Variants in ATRNL1 observed in about 807,000 individuals in gnomAD.
The protein encoded by ATRNL1 is attractin-like protein 1.
In ATRNL1, 95 loss-of-function variants were observed where a neutral mutation model predicts 182.7. The observed-to-expected ratio is 0.52, with a 90% CI of 0.44 to 0.62. The LOEUF (loss-of-function observed/expected upper bound fraction) is 0.62. Ranked by LOEUF, ATRNL1 falls within the 20% of genes least tolerant of loss-of-function variation. The probability of loss-of-function intolerance (pLI) is 0.00; values close to 1 mark genes in which losing one functional copy is unlikely to be tolerated. For missense variants in ATRNL1, 1,471 were observed against 1,679.5 expected (o/e 0.88, Z 2.17); for synonymous variants, 576 against 568.3 (o/e 1.01, Z -0.19).
At chr10:115,123,689 A>G (rs1378570708) in intron 3 of ATRNL1, among the ~76,000 whole-genome samples, 1 of 152,152 alleles carries the variant, frequency 6.6e-6, no homozygotes, top group Non-Finnish European at 1.5e-5. Context: ...GTACCAGTCC[A>G]TGGCCTGTTA....
intron 27 of ATRNL1, among the ~76,000 whole-genome samples, chr10:115,772,285 G>T (rs1593195034): frequency 6.6e-6 from 1 of 152,172 alleles, no homozygotes; most frequent in African/African-American, 2.4e-5. Flanking sequence ...AGGAGTCAGA[G>T]AAAATATCAT....
intron 5 of ATRNL1, among the ~76,000 whole-genome samples, chr10:115,137,818 T>A (rs1417595123): frequency 6.6e-6 from 1 of 152,146 alleles, no homozygotes; most frequent in Non-Finnish European, 1.5e-5. Flanking sequence ...TCAAAACCAA[T>A]GATGCCTTCC....
chr10:115,296,699 TG>T (rs1564888887), intron 15 of ATRNL1, among the ~76,000 whole-genome samples: 3 of 152,114 alleles, frequency 2.0e-5, no homozygotes, highest in Admixed American at 2.0e-4. Flanking sequence ...TTTTTACGTC[TG>T]GGATTAATAG....
At chr10:115,460,570 T>TA (rs1847746796) in intron 21 of ATRNL1, among the ~76,000 whole-genome samples, 1 of 152,180 alleles carries the variant, frequency 6.6e-6, no homozygotes, top group Admixed American at 6.6e-5. Context: ...TCCTTGCCTG[T>TA]ATTACTGGCA....
chr10:115,862,428 A>G (rs1951337327), intron 28 of ATRNL1, among the ~76,000 whole-genome samples: 1 of 152,126 alleles, frequency 6.6e-6, no homozygotes, highest in Non-Finnish European at 1.5e-5. Flanking sequence ...CCTAAGTTCC[A>G]TTTTAGCTCT....
intron 26 of ATRNL1, among the ~76,000 whole-genome samples, chr10:115,661,517 A>T (rs1048440902): frequency 9.8e-5 from 15 of 152,290 alleles, no homozygotes; most frequent in African/African-American, 3.4e-4. Flanking sequence ...AACTCCCTCA[A>T]TGTATAAGTT....
At chr10:115,492,917 A>G (rs1042605295) in intron 24 of ATRNL1, among the ~76,000 whole-genome samples, 31 of 152,070 alleles carry the variant, frequency 2.0e-4, no homozygotes, top group African/African-American at 7.2e-4. Flanking sequence ...TACAGGGATT[A>G]CAGGCGTGAG....
chr10:115,550,129 T>C (rs146563994), intron 26 of ATRNL1, among the ~76,000 whole-genome samples: 38 of 151,968 alleles, frequency 2.5e-4, no homozygotes, highest in African/African-American at 8.4e-4. Context: ...TTATATAAAT[T>C]GTGTATATTC....
intron 28 of ATRNL1, among the ~76,000 whole-genome samples, chr10:115,932,669 AC>A (rs1555121903): frequency 6.6e-6 from 1 of 152,018 alleles, no homozygotes; most frequent in Non-Finnish European, 1.5e-5. Context: ...CAATATTTTG[AC>A]TTTGCAGAGA....
chr10:115,363,838 G>A (rs1856878981), intron 19 of ATRNL1, among the ~76,000 whole-genome samples: 2 of 145,820 alleles, frequency 1.4e-5, no homozygotes, highest in South Asian at 2.2e-4. Flanking sequence ...TAGATATGCG[G>A]CGTTATTTCT....
In ATRNL1 at chr10:115,244,098, AG is replaced by A. The variant is rs1440998290; in HGVS notation, c.1687+2375del. ...ATAAGCATTATATAGTAAACCAATT[AG>A]GAAACAGAAAAAGTGTCATGTTGCT... On this transcript the variant is annotated intron_variant, in intron 10 of 28. Transcript: ENST00000355044. 4.2e-4 allele frequency among the ~76,000 whole-genome samples: 64 copies of A among 152,264 alleles called. 1 individual carries two copies. Among genetic ancestry groups the A allele is most frequent in the African/African-American group, 1.4e-3 (57 of 41,580 alleles).
At chr10:115,506,402 T>C (rs1232623410) in intron 24 of ATRNL1, among the ~76,000 whole-genome samples, 2 of 151,944 alleles carry the variant, frequency 1.3e-5, no homozygotes, top group African/African-American at 4.8e-5. Flanking sequence ...ATTGTAATGG[T>C]AAGGAGAAAT....
rs569966648 is a variant in ATRNL1 at position 115,215,682 on chromosome 10, T to G, written c.1349-15T>G. The G allele has an allele frequency of 1.4e-5, 22 of 1,561,662 alleles. No homozygotes were observed. The South Asian group carries it at 2.6e-4, about 19-fold the overall frequency. On this transcript the variant is annotated splice_polypyrimidine_tract_variant and intron_variant, in intron 8 of 28. Coordinates refer to ENST00000355044, the MANE Select transcript of ATRNL1 (RefSeq NM_207303.4). ...TACTACTTGAAATTTATAATGTATT[T>G]TATTTCTGTTACAGCATCAAACACT...
chr10:115,544,719 A>T (rs558208077), intron 25 of ATRNL1, among the ~76,000 whole-genome samples: 18 of 152,266 alleles, frequency 1.2e-4, no homozygotes, highest in African/African-American at 4.3e-4. Context: ...TATCCAAACT[A>T]TATCAGAAGG....
intron 27 of ATRNL1, among the ~76,000 whole-genome samples, chr10:115,753,151 GATA>G (rs1262264513): frequency 6.6e-6 from 1 of 151,872 alleles, no homozygotes; most frequent in African/African-American, 2.4e-5. Flanking sequence ...ACATATTTTT[GATA>G]ATAAAAATTC....
chr10:115,573,157 G>T (rs1285240138), intron 26 of ATRNL1, among the ~76,000 whole-genome samples: 1 of 152,186 alleles, frequency 6.6e-6, no homozygotes, highest in Admixed American at 6.5e-5. Context: ...TGGGCTCAAA[G>T]GGTGAGTGCA....
At chr10:115,377,577 C>T (rs1263824171) in intron 19 of ATRNL1, among the ~76,000 whole-genome samples, 1 of 152,096 alleles carries the variant, frequency 6.6e-6, no homozygotes, top group African/African-American at 2.4e-5. Flanking sequence ...GCGTTAGTTA[C>T]TGGAGCTTTT....
Position 115,093,897 on chromosome 10 carries a change from C to G in ATRNL1, c.147C>G (p.Leu49=), listed in dbSNP as rs370337257. Residue 49 remains leucine, a synonymous_variant, in exon 1 of 29, where the codon CTC becomes CTG. Transcript: ENST00000355044. The surrounding 1 kb of genome is among the most constrained non-coding windows in gnomAD (Gnocchi z 6.1). The part of the protein sequence containing the change: ...GNSWLLCYGF[L]YLALYAQVSQ... ...GCTGGCTGCTGTGCTATGGCTTCCT[C>G]TACCTGGCGCTCTACGCGCAGGTGT... 2 of 1,596,966 alleles carry G rather than the reference C, an allele frequency of 1.3e-6. No homozygotes were observed. The highest frequency in any genetic ancestry group is 1.7e-6 in the Non-Finnish European group (2 of 1,173,552).
chr10:115,458,055 G>A (rs1217069889), intron 21 of ATRNL1, among the ~76,000 whole-genome samples: 3 of 152,044 alleles, frequency 2.0e-5, no homozygotes, highest in Non-Finnish European at 4.4e-5. Flanking sequence ...CCATAATAGA[G>A]TAGTTCATTA....
Sources: allele counts gnomAD v4.1 joint callset (sites outside exome capture counted in the v4.1 genomes callset), GRCh38; gene constraint gnomAD v4.1.1; non-coding constraint Gnocchi (gnomAD v3.1); transcripts MANE v1.5; gene names NCBI Gene and HGNC (gene_info 2026-07-23, HGNC 2026-07-21).